The following FSTL5 variants were observed in gnomAD, a reference collection of about 807,000 sequenced individuals.
FSTL5 encodes follistatin like 5, also known as follistatin-related protein 5.
Under a neutral mutation model 89.1 loss-of-function variants are expected in FSTL5, and 62 were observed. The ratio of observed to expected loss-of-function variants is 0.70; its 90% CI spans 0.57 to 0.86. The LOEUF is 0.86. Ranked by LOEUF, FSTL5 falls within the 40% of genes least tolerant of loss-of-function variation. The pLI is 0.00. For missense variants in FSTL5, 1,057 were observed against 1,001.6 expected (o/e 1.06, Z -0.75); for synonymous variants, 383 against 346.2 (o/e 1.11, Z -1.18).
At chr4:161,876,807 CCTATTATATATTA>C (rs1732457848) in intron 4 of FSTL5, among the ~76,000 whole-genome samples, 1 of 151,722 alleles carries the variant, frequency 6.6e-6, no homozygotes. Flanking sequence ...TTCATTATTT[CCTATTATATATTA>C]CTACAGAAAG....
At chr4:161,415,816 T>C (rs1167701618) in intron 15 of FSTL5, among the ~76,000 whole-genome samples, 2 of 53,438 alleles carry the variant, frequency 3.7e-5, no homozygotes, top group Non-Finnish European at 6.8e-5. Flanking sequence ...ATCATACATA[T>C]AGGGGATATA....
intron 3 of FSTL5, among the ~76,000 whole-genome samples, chr4:161,968,969 GCACACACACA>G (rs34014344): frequency 6.8e-6 from 1 of 146,910 alleles, no homozygotes; most frequent in Non-Finnish European, 1.5e-5. Context: ...ACTCACATAA[GCACACACACA>G]CACACACACA....
chr4:162,019,225 G>A (rs1313656353), intron 3 of FSTL5, among the ~76,000 whole-genome samples: 1 of 151,946 alleles, frequency 6.6e-6, no homozygotes, highest in Non-Finnish European at 1.5e-5. Context: ...AAAATAATTT[G>A]CACTAATCAC....
At chr4:161,897,638 A>C (rs1193144328) in intron 4 of FSTL5, among the ~76,000 whole-genome samples, 1 of 151,764 alleles carries the variant, frequency 6.6e-6, no homozygotes, top group East Asian at 1.9e-4. Context: ...AGTTTCATTT[A>C]CACACAAAAT....
At chr4:161,508,858 G>A (rs1578886309) in intron 11 of FSTL5, among the ~76,000 whole-genome samples, 3 of 152,152 alleles carry the variant, frequency 2.0e-5, no homozygotes, top group African/African-American at 2.4e-5. Flanking sequence ...GTATGGCAAA[G>A]CTTCATACAA....
intron 5 of FSTL5, among the ~76,000 whole-genome samples, chr4:161,774,554 G>A (rs1280573983): frequency 1.3e-5 from 2 of 151,916 alleles, no homozygotes; most frequent in East Asian, 1.9e-4. Context: ...AGACCAGATC[G>A]ACTTGATCTG....
intron 2 of FSTL5, among the ~76,000 whole-genome samples, chr4:162,110,951 T>A (rs1263680473): frequency 6.6e-6 from 1 of 152,010 alleles, no homozygotes; most frequent in Admixed American, 6.6e-5. Context: ...ACAATTAATA[T>A]GGGAGTAATA....
intron 4 of FSTL5, among the ~76,000 whole-genome samples, chr4:161,857,853 C>A (rs745443051): frequency 2.0e-5 from 3 of 152,082 alleles, no homozygotes; most frequent in Non-Finnish European, 4.4e-5. Context: ...TCTTTCATCA[C>A]CTTATGCTTT....
intron 7 of FSTL5, among the ~76,000 whole-genome samples, chr4:161,604,638 A>T (rs1048756705): frequency 2.6e-5 from 4 of 152,240 alleles, no homozygotes; most frequent in Admixed American, 2.0e-4. Context: ...GGGTTACAAA[A>T]CCACCCAAAG....
chr4:161,777,723 T>C (rs28758434), intron 4 of FSTL5, among the ~76,000 whole-genome samples: 1,899 of 152,286 alleles, frequency 0.012, 38 homozygotes, highest in African/African-American at 0.042. Flanking sequence ...AGATATTTAG[T>C]ACCTGCCATG....
At chr4:161,434,723 GA>G (rs70937650) in intron 15 of FSTL5, among the ~76,000 whole-genome samples, 67,011 of 150,394 alleles carry the variant, frequency 0.45, 15,937 homozygotes, top group Non-Finnish European at 0.55. Flanking sequence ...AACTCTATAA[GA>G]AAAAAAAAAT....
chr4:162,091,881 T>C (rs1246486380), intron 2 of FSTL5, among the ~76,000 whole-genome samples: 3 of 151,498 alleles, frequency 2.0e-5, no homozygotes, highest in Non-Finnish European at 4.4e-5. Flanking sequence ...AGAGAAATTA[T>C]ATATATTCCT....
In FSTL5 at chr4:161,693,488, T is replaced by C. The variant is rs186083362; in HGVS notation, c.728-36994A>G. Among the ~76,000 whole-genome samples the C allele has an allele frequency of 5.4e-3, 815 of 152,254 alleles. 3 individuals are homozygous for C. Among genetic ancestry groups the C allele is most frequent in the Non-Finnish European group, 7.0e-3 (476 of 68,018 alleles). ...TGTTGGTAGATTTATGATAACTGAC[T>C]CAATATATTTTCTTGTAACAGATCT... On this transcript the variant is annotated intron_variant, in intron 6 of 15. Coordinates refer to ENST00000306100, the MANE Select transcript of FSTL5 (RefSeq NM_020116.5).
At chr4:161,896,434 A>G (rs2110773616) in intron 4 of FSTL5, among the ~76,000 whole-genome samples, 1 of 152,298 alleles carries the variant, frequency 6.6e-6, no homozygotes, top group African/African-American at 2.4e-5. Flanking sequence ...TGAAAATTTT[A>G]ACTTTAATGC....
At position 161,672,169 on chromosome 4, in the gene FSTL5, G is replaced by T. The variant is rs146259262; in HGVS notation, c.728-15675C>A. Among the ~76,000 whole-genome samples, 533 of 152,250 alleles carry T rather than the reference G, an allele frequency of 3.5e-3. 2 individuals carry two copies. The highest frequency in any genetic ancestry group is 0.012 in the African/African-American group (508 of 41,566). On this transcript the variant is annotated intron_variant, in intron 6 of 15. Coordinates refer to ENST00000306100, the MANE Select transcript of FSTL5 (RefSeq NM_020116.5). ...CTCTCCAAGAAATCAGAGGGACCTA[G>T]ATCTGACCAAGACTTCCTAAGTATT...
chr4:161,634,773 C>G (rs543920446), intron 7 of FSTL5, among the ~76,000 whole-genome samples: 1 of 151,912 alleles, frequency 6.6e-6, no homozygotes, highest in African/African-American at 2.4e-5. Context: ...TCAAAGGGTA[C>G]GAAGTTTCTA....
intron 5 of FSTL5, among the ~76,000 whole-genome samples, chr4:161,764,432 T>C (rs1740917712): frequency 6.6e-6 from 1 of 152,072 alleles, no homozygotes; most frequent in Admixed American, 6.6e-5. Flanking sequence ...CTAATTTTTG[T>C]GTTTTTAGTA....
chr4:162,100,003 G>T (rs760285616), intron 2 of FSTL5, among the ~76,000 whole-genome samples: 1 of 152,192 alleles, frequency 6.6e-6, no homozygotes, highest in Non-Finnish European at 1.5e-5. Context: ...GTAGAATACA[G>T]TTTGGCAGTT....
intron 7 of FSTL5, among the ~76,000 whole-genome samples, chr4:161,603,996 C>T (rs761853437): frequency 6.6e-6 from 1 of 151,988 alleles, no homozygotes; most frequent in South Asian, 2.1e-4. Context: ...AGATCAATAA[C>T]AAATAAATGC....
Sources: gnomAD v4.1 joint callset for allele counts (sites outside exome capture counted in the v4.1 genomes callset) on GRCh38, gnomAD v4.1.1 for gene constraint, MANE v1.5 for transcripts, NCBI Gene and HGNC (gene_info 2026-07-23, HGNC 2026-07-21) for gene names.